TREM1: variants seen among roughly 807,000 people sequenced by gnomAD.
TREM1 encodes triggering receptor expressed on monocytes 1.
In TREM1, 16 loss-of-function variants were observed where a neutral mutation model predicts 22.4. The ratio of observed to expected loss-of-function variants is 0.71; its 90% CI spans 0.48 to 1.08. The LOEUF (loss-of-function observed/expected upper bound fraction) is 1.08. Ranked by LOEUF, TREM1 falls within the 50% of genes least tolerant of loss-of-function variation. The probability of loss-of-function intolerance (pLI) is 0.00; values close to 1 mark genes in which losing one functional copy is unlikely to be tolerated. For synonymous variants in TREM1, 110 were observed against 111.6 expected (o/e 0.99, Z 0.09); for missense variants, 283 against 282.9 (o/e 1.00, Z 0.00).
At chr6:41,270,862 T>C (rs1767463246), downstream of TREM1, among the ~76,000 whole-genome samples, 1 of 152,130 alleles carries the variant, frequency 6.6e-6, no homozygotes, top group South Asian at 2.1e-4. Flanking sequence ...TGTGCCACCA[T>C]GTCCAGCTAA....
intron 1 of TREM1, among the ~76,000 whole-genome samples, chr6:41,285,627 A>AAT (rs1768131697): frequency 6.6e-6 from 1 of 152,200 alleles, no homozygotes; most frequent in South Asian, 2.1e-4. Context: ...GGCACAATGA[A>AAT]ATATATACCA....
chr6:41,277,176 A>C (rs1377854810), intron 3 of TREM1, among the ~76,000 whole-genome samples: 3 of 152,228 alleles, frequency 2.0e-5, no homozygotes, highest in Non-Finnish European at 4.4e-5. Flanking sequence ...CCTATACAAA[A>C]CTTAAAACCA....
intron 3 of TREM1, among the ~76,000 whole-genome samples, chr6:41,278,747 G>A (rs1212238847): frequency 6.6e-6 from 1 of 152,164 alleles, no homozygotes; most frequent in Non-Finnish European, 1.5e-5. Flanking sequence ...TTGGCTGAAA[G>A]GATAGTTCAT....
chr6:41,280,770 G>C (rs140744050), intron 3 of TREM1, 191 bp downstream of exon 3: 56 of 1,452,634 alleles, frequency 3.9e-5, no homozygotes, highest in Non-Finnish European at 5.0e-5. Context: ...GGACAGCCTG[G>C]CTGAGAGCCT....
At chr6:41,271,990 A>G (rs1767492277), downstream of TREM1, among the ~76,000 whole-genome samples, 1 of 152,052 alleles carries the variant, frequency 6.6e-6, no homozygotes, top group Non-Finnish European at 1.5e-5. Flanking sequence ...CCTCCACTCT[A>G]TCTGCCACCC....
chr6:41,286,181 T>C (rs1768160877), intron 1 of TREM1, among the ~76,000 whole-genome samples: 1 of 152,216 alleles, frequency 6.6e-6, no homozygotes, highest in Non-Finnish European at 1.5e-5. Flanking sequence ...AGCAGTAGTA[T>C]ATTTGCTGTC....
At chr6:41,285,731 C>T (rs756006434) in intron 1 of TREM1, among the ~76,000 whole-genome samples, 1 of 152,220 alleles carries the variant, frequency 6.6e-6, no homozygotes, top group Non-Finnish European at 1.5e-5. Flanking sequence ...AGGAAATGCA[C>T]TTGTCCATGA....
At position 41,275,442 on chromosome 6, in the gene TREM1, C is replaced by A. The variant is rs1767629433; in HGVS notation, c.*683G>T. ...TCACGGGGCTATTTTCAGGATCCAG[C>A]GATAAATGCACACAGGATGTCTGAC... On this transcript the variant is annotated 3_prime_UTR_variant, in exon 4 of 4. Coordinates refer to ENST00000244709, the MANE Select transcript of TREM1 (RefSeq NM_018643.5). 1.3e-5 allele frequency: 2 copies of A among 152,280 alleles called. No homozygotes were observed. Among genetic ancestry groups the A allele is most frequent in the South Asian group, 4.2e-4 (2 of 4,802 alleles). 9.4% of individuals were successfully genotyped at this position (152,280 alleles called of 1,614,324 possible).
rs767314228 is a variant in TREM1, at chr6:41,282,713, C to G, written c.88G>C (p.Glu30Gln). ...AATKLTEEKY[E>Q]LKEGQTLDVK... ...TCCAGGGTCTGCCCCTCTTTCAGTT[C>G]ATACTTTTCCTCAGTTAATTTAGTT... The change falls in exon 2 of 4, where the codon GAA becomes CAA. Residue 30 changes from glutamate (E) to glutamine (Q), a missense_variant. Transcript: ENST00000244709. 6.2e-7 allele frequency: 1 copy of G among 1,614,060 alleles called. No individual in the cohort carries two copies.
intron 1 of TREM1, among the ~76,000 whole-genome samples, chr6:41,285,444 C>A (rs1768123004): frequency 6.6e-6 from 1 of 152,176 alleles, no homozygotes; most frequent in Non-Finnish European, 1.5e-5. Context: ...CAAAGTCTCA[C>A]CATAGTTAAG....
At chr6:41,271,227 T>C (rs1480837831), downstream of TREM1, among the ~76,000 whole-genome samples, 1 of 152,214 alleles carries the variant, frequency 6.6e-6, no homozygotes, top group Non-Finnish European at 1.5e-5. Flanking sequence ...ATAACATTTA[T>C]TAAGCACTTA....
downstream of TREM1, among the ~76,000 whole-genome samples, chr6:41,269,162 G>A (rs1767411777): frequency 6.6e-6 from 1 of 152,150 alleles, no homozygotes; most frequent in Non-Finnish European, 1.5e-5. Context: ...AAAAACTTGA[G>A]GCAAAAGCAC....
rs747050835 is a variant in TREM1 at position 41,282,447 on chromosome 6, AG to A, written c.353del (p.Pro118LeufsTer16). 2 of 1,614,054 alleles carry A rather than the reference AG, an allele frequency of 1.2e-6. No individual in the cohort carries two copies. Among genetic ancestry groups the A allele is most frequent in the South Asian group, 2.2e-5 (2 of 91,080 alleles). Reference sequence around the variant, plus strand: ...CGAACAGCATGTGAGGCTCCTTGGGAGGCTGGTAGATCACACACTGATACAG... The same window carrying A: ...CGAACAGCATGTGAGGCTCCTTGGGAGCTGGTAGATCACACACTGATACAG... ...SGLYQCVIYQPPKEPHMLFDR... is the reference protein window; with the variant it reads ...SGLYQCVIYQXPKEPHMLFDR... On this transcript the variant is annotated frameshift_variant, in exon 2 of 4. Coordinates refer to ENST00000244709, the MANE Select transcript of TREM1 (RefSeq NM_018643.5). LOFTEE classifies it high-confidence loss of function.
At chr6:41,282,044 G>C (rs1240414527) in intron 2 of TREM1, 1 of 245,102 alleles carries the variant, frequency 4.1e-6, no homozygotes, top group African/African-American at 2.2e-5. Context: ...AGATGTGAGA[G>C]GGGCTGCTTC....
chr6:41,285,408 G>A (rs1340664492), intron 1 of TREM1, among the ~76,000 whole-genome samples: 2 of 152,154 alleles, frequency 1.3e-5, no homozygotes, highest in Admixed American at 6.5e-5. Context: ...AGGAAACTGA[G>A]GCACAGACAG....
At chr6:41,283,426 C>T (rs545127945) in intron 1 of TREM1, among the ~76,000 whole-genome samples, 59 of 152,246 alleles carry the variant, frequency 3.9e-4, no homozygotes, top group African/African-American at 1.3e-3. Flanking sequence ...TACCCCATCT[C>T]GGGGCCAGGC....
Position 41,282,382 on chromosome 6 carries a change from C to T in TREM1, c.406+13G>A. 6.3e-7 allele frequency: 1 copy of T among 1,591,568 alleles called. No individual in the cohort carries two copies. The highest frequency in any genetic ancestry group is 8.6e-7 in the Non-Finnish European group (1 of 1,165,054). On this transcript the variant is annotated intron_variant, in intron 2 of 3. Coordinates refer to ENST00000244709, the MANE Select transcript of TREM1 (RefSeq NM_018643.5). ...CCTGGCCCTTCTTTCCCCCCAAGTC[C>T]CAGGCCACTCACCCTTGGTCACCAC...
intron 1 of TREM1, among the ~76,000 whole-genome samples, chr6:41,285,230 G>A (rs186736531): frequency 1.3e-5 from 2 of 152,362 alleles, no homozygotes; most frequent in East Asian, 3.9e-4. Flanking sequence ...GAAGGCTGCT[G>A]AGCTGTCTGT....
chr6:41,281,446 T>A, intron 2 of TREM1: 1 of 384,328 alleles, frequency 2.6e-6, no homozygotes, highest in Non-Finnish European at 4.7e-6. Flanking sequence ...AAGAAAGGAA[T>A]TTTTTGTCAT....
Sources: allele counts gnomAD v4.1 joint callset (sites outside exome capture counted in the v4.1 genomes callset), GRCh38; gene constraint gnomAD v4.1.1; transcripts MANE v1.5; gene names NCBI Gene and HGNC (gene_info 2026-07-23, HGNC 2026-07-21).